RNF217: variants seen among roughly 807,000 people sequenced by gnomAD.
RNF217 encodes E3 ubiquitin-protein ligase RNF217.
A neutral mutation model predicts 57.8 loss-of-function variants in RNF217; 31 were observed. That is an observed-to-expected ratio of 0.54 (90% CI 0.40 to 0.72). The LOEUF is 0.72. RNF217 is among the 30% of genes least tolerant of loss of function. The pLI is 0.00. For synonymous variants in RNF217, 313 were observed against 294.0 expected (o/e 1.06, Z -0.66); for missense variants, 696 against 708.3 (o/e 0.98, Z 0.20).
At chr6:125,027,169 T>A (rs947246321) in intron 1 of RNF217, among the ~76,000 whole-genome samples, 8 of 152,074 alleles carry the variant, frequency 5.3e-5, no homozygotes, top group Admixed American at 5.2e-4. Flanking sequence ...TCCAATTACA[T>A]TAAGTTATTT....
At position 125,081,101 on chromosome 6, in the gene RNF217, G is replaced by A. The variant is rs144050159; in HGVS notation, c.1484-335G>A. 3.0e-4 allele frequency among the ~76,000 whole-genome samples: 45 copies of A among 152,104 alleles called. No individual in the cohort carries two copies. In the East Asian group the frequency reaches 4.8e-3, roughly 16 times the overall value. On this transcript the variant is annotated intron_variant, in intron 4 of 5. Transcript: ENST00000521654. ...TTCTTTCTTAATCTTTTAGCATTGC[G>A]AACATTGAAAATGGAAAGGATCTTA...
rs1788724976 is a variant in RNF217 at position 125,084,863 on chromosome 6, T to C, written c.*1926T>C. 2 of 151,918 alleles carry C rather than the reference T, an allele frequency of 1.3e-5. No individual in the cohort carries two copies. The highest frequency in any genetic ancestry group is 4.1e-4 in the South Asian group (2 of 4,834). The allele number at this position is 151,918 out of a possible 1,614,324, so 9.4% of individuals were successfully genotyped here. Reference sequence around the variant, plus strand: ...AACAGATATTTATTGAGTGCCTATCTTAGGTGTAATAGTATTTAAGACTGA... The same window carrying C: ...AACAGATATTTATTGAGTGCCTATCCTAGGTGTAATAGTATTTAAGACTGA... On this transcript the variant is annotated 3_prime_UTR_variant, in exon 6 of 6. Transcript: ENST00000521654.
intron 1 of RNF217, among the ~76,000 whole-genome samples, 167 bp from the exon 2 acceptor site, chr6:125,045,044 T>G (rs1157477073): frequency 6.6e-6 from 1 of 152,100 alleles, no homozygotes; most frequent in Non-Finnish European, 1.5e-5. Context: ...TATTTTGGTA[T>G]TGCCTAAAGC....
rs765244414 is a variant in RNF217 at position 124,962,970 on chromosome 6, C to A, written c.426C>A (p.Ala142=). The A allele has an allele frequency of 1.9e-6, 3 of 1,597,182 alleles. No individual in the cohort carries two copies. Among genetic ancestry groups the A allele is most frequent in the Non-Finnish European group, 2.5e-6 (3 of 1,179,326 alleles). The part of the protein sequence containing the change: ...ELEPRTRVGA[A]DGLVLDVLGQ... The stretch of plus-strand genomic sequence containing the variant: ...AGCCCAGGACCCGCGTGGGGGCCGC[C>A]GACGGACTGGTCCTGGACGTGCTGG... Residue 142 remains alanine, a synonymous_variant, in exon 1 of 6, where the codon GCC becomes GCA. Transcript: ENST00000521654. This position sits in a 1 kb window ranked among gnomAD's most constrained non-coding sequence, Gnocchi z 4.6.
chr6:124,990,943 C>T (rs1784537582), intron 1 of RNF217, among the ~76,000 whole-genome samples: 1 of 152,110 alleles, frequency 6.6e-6, no homozygotes, highest in South Asian at 2.1e-4. Context: ...GTAGCTCATT[C>T]CTGTAGTCCT....
At chr6:124,973,539 C>A (rs528834697) in intron 1 of RNF217, among the ~76,000 whole-genome samples, 1 of 152,076 alleles carries the variant, frequency 6.6e-6, no homozygotes, top group South Asian at 2.1e-4. Flanking sequence ...TTTGTTAAAG[C>A]CTGAATGAAT....
intron 4 of RNF217, among the ~76,000 whole-genome samples, chr6:125,077,328 A>G (rs1788415558): frequency 6.6e-6 from 1 of 152,202 alleles, no homozygotes; most frequent in Non-Finnish European, 1.5e-5. Context: ...TTATGTCTAT[A>G]TAAGTGATAA....
intron 1 of RNF217, among the ~76,000 whole-genome samples, chr6:124,967,162 G>T (rs1238114248): frequency 6.6e-6 from 1 of 152,162 alleles, no homozygotes; most frequent in Non-Finnish European, 1.5e-5. Flanking sequence ...CATTTCAGAA[G>T]TACATTTCCC....
At chr6:124,987,758 C>T (rs1784412061) in intron 1 of RNF217, among the ~76,000 whole-genome samples, 1 of 151,962 alleles carries the variant, frequency 6.6e-6, no homozygotes, top group Admixed American at 6.6e-5. Context: ...CTATACCTTG[C>T]CTGGCTCTTA....
At chr6:125,008,451 T>C (rs1313073653) in intron 1 of RNF217, among the ~76,000 whole-genome samples, 1 of 152,166 alleles carries the variant, frequency 6.6e-6, no homozygotes, top group Non-Finnish European at 1.5e-5. Context: ...TCTTTTCTGC[T>C]CAGGGTCCAT....
intron 1 of RNF217, among the ~76,000 whole-genome samples, chr6:125,031,499 A>T (rs1181757373): frequency 6.6e-6 from 1 of 152,130 alleles, no homozygotes; most frequent in African/African-American, 2.4e-5. Context: ...TTTTCATCAG[A>T]TACTCTAAAT....
chr6:124,963,078 C>A lies in RNF217; in HGVS notation c.534C>A (p.Ala178=). The A allele has an allele frequency of 6.4e-7, 1 of 1,553,574 alleles. No homozygotes were observed. Residue 178 remains alanine (A), a synonymous_variant, in exon 1 of 6, where the codon GCC becomes GCA. Transcript: ENST00000521654. ...AGAGCGACCTGCCCGAGGCCCCCGCCTCGGAGCAGCTCTCGCCGCCCGCGT... is the reference window on the plus strand; with the variant it reads ...AGAGCGACCTGCCCGAGGCCCCCGCATCGGAGCAGCTCTCGCCGCCCGCGT... ...CVESDLPEAP[A]SEQLSPPASP... is the part of the protein sequence containing the mutation.
chr6:125,018,735 C>T (rs930701314), intron 1 of RNF217, among the ~76,000 whole-genome samples: 9 of 152,158 alleles, frequency 5.9e-5, no homozygotes, highest in African/African-American at 2.2e-4. Context: ...AGTTGAAAAC[C>T]TAAATAAGGA....
At chr6:125,053,430 A>C (rs1432304725) in intron 2 of RNF217, among the ~76,000 whole-genome samples, 11 of 152,116 alleles carry the variant, frequency 7.2e-5, no homozygotes, top group Non-Finnish European at 1.5e-5. Flanking sequence ...AGTAAAGCAA[A>C]TCCTTTTTGG....
At chr6:124,992,856 GT>G (rs1245768534) in intron 1 of RNF217, among the ~76,000 whole-genome samples, 1 of 151,870 alleles carries the variant, frequency 6.6e-6, no homozygotes, top group Non-Finnish European at 1.5e-5. Flanking sequence ...TTTATCCTTA[GT>G]TGCTTATGCA....
At chr6:125,072,046 GT>G (rs1303280312) in intron 3 of RNF217, among the ~76,000 whole-genome samples, 1 of 152,138 alleles carries the variant, frequency 6.6e-6, no homozygotes, top group Non-Finnish European at 1.5e-5. Context: ...TTAAGGCTTT[GT>G]GTTTTAAAAA....
chr6:124,980,281 T>C (rs776647192), intron 1 of RNF217, among the ~76,000 whole-genome samples: 31 of 152,374 alleles, frequency 2.0e-4, no homozygotes, highest in Non-Finnish European at 2.5e-4. Context: ...TGCTTCTCAA[T>C]AGTTTGCAAT....
At chr6:124,995,065 T>C (rs1265491155) in intron 1 of RNF217, among the ~76,000 whole-genome samples, 1 of 152,230 alleles carries the variant, frequency 6.6e-6, no homozygotes, top group Non-Finnish European at 1.5e-5. Flanking sequence ...TTATTTCTCA[T>C]TGTTGACTAT....
intron 4 of RNF217, 126 bp from the exon 5 acceptor site, chr6:125,081,310 A>G (rs1788564475): frequency 1.5e-6 from 1 of 652,366 alleles, no homozygotes; most frequent in Admixed American, 2.8e-5. Context: ...TTAGATATAT[A>G]CAGCCTTAAG....
Sources: allele counts gnomAD v4.1 joint callset (sites outside exome capture counted in the v4.1 genomes callset), GRCh38; gene constraint gnomAD v4.1.1; non-coding constraint Gnocchi (gnomAD v3.1); transcripts MANE v1.5; gene names NCBI Gene and HGNC (gene_info 2026-07-23, HGNC 2026-07-21).